Variants in FAP observed in about 807,000 individuals in gnomAD.
FAP encodes prolyl endopeptidase FAP.
Under a neutral mutation model 126.5 loss-of-function variants are expected in FAP, and 110 were observed. The ratio of observed to expected loss-of-function variants is 0.87; its 90% CI spans 0.74 to 1.02. The LOEUF is 1.02. Among genes scored for constraint, FAP ranks in the 50% least tolerant of loss-of-function variants. The pLI, the probability that FAP is intolerant of heterozygous loss-of-function variation, is 0.00. For synonymous variants in FAP, 334 were observed against 297.3 expected (o/e 1.12, Z -1.27); for missense variants, 919 against 909.2 (o/e 1.01, Z -0.14).
At chr2:162,173,567 G>A (rs1042332882) in intron 23 of FAP, among the ~76,000 whole-genome samples, 156 bp downstream of exon 23, 25 of 152,022 alleles carry the variant, frequency 1.6e-4, no homozygotes, top group African/African-American at 5.1e-4. Context: ...AATCCAAAAG[G>A]AGTAAAACCC....
chr2:162,209,407 T>A (rs2106259526), intron 12 of FAP, among the ~76,000 whole-genome samples: 1 of 152,276 alleles, frequency 6.6e-6, no homozygotes, highest in Admixed American at 6.5e-5. Context: ...AATAAACCTA[T>A]CCTAAACTTC....
intron 22 of FAP, 142 bp from the exon 23 acceptor site, chr2:162,173,929 A>G: frequency 1.5e-6 from 1 of 665,132 alleles, no homozygotes. Context: ...CTTTGCTATA[A>G]TGGTTGGCCT....
intron 17 of FAP, chr2:162,194,301 T>C (rs1266500612): frequency 7.4e-5 from 11 of 149,260 alleles, no homozygotes; most frequent in African/African-American, 1.7e-4. Context: ...CACACACACA[T>C]GCAAACAACC....
At chr2:162,207,975 G>A (rs1559779050) in intron 12 of FAP, among the ~76,000 whole-genome samples, 1 of 151,898 alleles carries the variant, frequency 6.6e-6, no homozygotes, top group Non-Finnish European at 1.5e-5. Flanking sequence ...TTCTACAGCT[G>A]GGCCAGGGGC....
chr2:162,216,861 C>A (rs975500975), intron 9 of FAP, among the ~76,000 whole-genome samples: 3 of 152,252 alleles, frequency 2.0e-5, no homozygotes, highest in South Asian at 4.1e-4. Context: ...CCACCTAACG[C>A]CAGATGTTTT....
intron 11 of FAP, among the ~76,000 whole-genome samples, chr2:162,210,281 ACTTGATG>A (rs1688874963): frequency 6.6e-6 from 1 of 152,180 alleles, no homozygotes; most frequent in Non-Finnish European, 1.5e-5. Context: ...AGCACAATCC[ACTTGATG>A]TGGTGTAGGT....
At chr2:162,207,534 A>G (rs1255950357) in intron 12 of FAP, among the ~76,000 whole-genome samples, 1 of 152,170 alleles carries the variant, frequency 6.6e-6, no homozygotes, top group African/African-American at 2.4e-5. Context: ...TTGATTTAAT[A>G]TAAGGACCTC....
At chr2:162,216,104 T>C (rs1256689023) in intron 9 of FAP, 103 bp from the exon 10 acceptor site, 2 of 764,748 alleles carry the variant, frequency 2.6e-6, no homozygotes, top group Admixed American at 2.3e-5. Context: ...GCGAACAATC[T>C]TATGTATATC....
chr2:162,194,856 TTTTAA>T, intron 16 of FAP, 108 bp from the exon 17 acceptor site: 1 of 929,858 alleles, frequency 1.1e-6, no homozygotes, highest in Non-Finnish European at 1.8e-6. Flanking sequence ...CCAGTACATC[TTTTAA>T]TTCTGCAGCT....
intron 12 of FAP, 162 bp downstream of exon 12, chr2:162,209,790 G>T: frequency 1.7e-6 from 1 of 585,442 alleles, no homozygotes; most frequent in Non-Finnish European, 3.0e-6. Context: ...AAATTGTCCG[G>T]CACAAAATCA....
At chr2:162,228,336 T>C (rs903477215) in intron 2 of FAP, among the ~76,000 whole-genome samples, 2 of 152,200 alleles carry the variant, frequency 1.3e-5, no homozygotes, top group Admixed American at 1.3e-4. Context: ...TATACCATGC[T>C]AGATTTTGAA....
At chr2:162,235,311 G>A (rs546198652) in intron 2 of FAP, among the ~76,000 whole-genome samples, 2 of 152,308 alleles carry the variant, frequency 1.3e-5, no homozygotes, top group African/African-American at 4.8e-5. Context: ...CGCATGGCGC[G>A]GGACTGGCGG....
intron 2 of FAP, among the ~76,000 whole-genome samples, chr2:162,227,386 A>G (rs149775623): frequency 1.4e-4 from 21 of 152,290 alleles, no homozygotes; most frequent in East Asian, 3.9e-4. Flanking sequence ...TTTTTCAAAC[A>G]TGATCTTATT....
chr2:162,173,452 C>T (rs1168449338), intron 23 of FAP, among the ~76,000 whole-genome samples: 1 of 151,690 alleles, frequency 6.6e-6, no homozygotes, highest in Non-Finnish European at 1.5e-5. Context: ...TGAGTGAGAC[C>T]TTAGGCATAA....
chr2:162,231,966 AAC>A (rs1462906296), intron 2 of FAP, among the ~76,000 whole-genome samples: 2 of 152,190 alleles, frequency 1.3e-5, no homozygotes, highest in Admixed American at 6.5e-5. Context: ...TCTCAGGGAA[AAC>A]ACATCCATCT....
At position 162,170,885 on chromosome 2, in the gene FAP, G is replaced by T; in HGVS notation, c.*94C>A. On this transcript the variant is annotated 3_prime_UTR_variant, in exon 26 of 26. Coordinates refer to ENST00000188790, the MANE Select transcript of FAP (RefSeq NM_004460.5). Reference sequence around the variant, plus strand: ...AACATTAATTTGTTTGTTTATACTAGCATTTTACAACATAAAAAATAAAAT... The same window carrying T: ...AACATTAATTTGTTTGTTTATACTATCATTTTACAACATAAAAAATAAAAT... 3 of 901,388 alleles carry T rather than the reference G, an allele frequency of 3.3e-6. No individual in the cohort carries two copies. Among genetic ancestry groups the T allele is most frequent in the Non-Finnish European group, 3.5e-6 (2 of 567,068 alleles). 55.8% of individuals were successfully genotyped at this position (901,388 alleles called of 1,614,324 possible).
At chr2:162,234,444 CT>C (rs1690022195) in intron 2 of FAP, among the ~76,000 whole-genome samples, 2 of 152,108 alleles carry the variant, frequency 1.3e-5, no homozygotes. Context: ...TGCAACCCTA[CT>C]GAACTGTATT....
At chr2:162,233,918 T>C (rs986340453) in intron 2 of FAP, among the ~76,000 whole-genome samples, 30 of 152,178 alleles carry the variant, frequency 2.0e-4, no homozygotes, top group Admixed American at 2.0e-4. Context: ...TCCAACATCT[T>C]TTTTTGCACA....
intron 7 of FAP, 38 bp downstream of exon 7, chr2:162,219,815 T>C (rs760692921): frequency 7.1e-6 from 10 of 1,411,366 alleles, no homozygotes; most frequent in Admixed American, 1.8e-5. Context: ...TCCTCTTTTA[T>C]TTACATGATT....
Sources: gnomAD v4.1 joint callset for allele counts (sites outside exome capture counted in the v4.1 genomes callset) on GRCh38, gnomAD v4.1.1 for gene constraint, MANE v1.5 for transcripts, NCBI Gene and HGNC (gene_info 2026-07-23, HGNC 2026-07-21) for gene names.